The following IPCEF1 variants were observed in gnomAD, a reference collection of about 807,000 sequenced individuals.
IPCEF1 encodes interaction protein for cytohesin exchange factors 1.
Under a neutral mutation model 50.9 loss-of-function variants are expected in IPCEF1, and 31 were observed. That is an observed-to-expected ratio of 0.61 (90% CI 0.46 to 0.82). The LOEUF is 0.82. Ranked by LOEUF, IPCEF1 falls within the 40% of genes least tolerant of loss-of-function variation. The pLI is 0.00. For missense variants in IPCEF1, 458 were observed against 514.0 expected, an observed-to-expected ratio of 0.89 and a Z score of 1.05; for synonymous variants, 181 against 192.0, an observed-to-expected ratio of 0.94 and a Z score of 0.47.
chr6:154,267,931 C>T (rs773800289), intron 2 of IPCEF1, among the ~76,000 whole-genome samples: 1 of 152,224 alleles, frequency 6.6e-6, no homozygotes, highest in Non-Finnish European at 1.5e-5. Context: ...GCTTTTATGG[C>T]CTCAGAGGTG....
At chr6:154,200,068 A>T (rs755157472) in intron 9 of IPCEF1, 28 bp from the exon 10 acceptor site, 4 of 1,557,676 alleles carry the variant, frequency 2.6e-6, no homozygotes, top group South Asian at 2.5e-5. Context: ...AACCAAAAAA[A>T]GAATAAAAGA....
intron 1 of IPCEF1, among the ~76,000 whole-genome samples, chr6:154,319,706 C>G (rs1019038174): frequency 2.0e-5 from 3 of 152,258 alleles, no homozygotes; most frequent in East Asian, 1.9e-4. Flanking sequence ...ATTTAAAAAG[C>G]CTTCAAAAGC....
intron 10 of IPCEF1, among the ~76,000 whole-genome samples, chr6:154,173,468 A>G (rs1253053564): frequency 6.6e-6 from 1 of 152,190 alleles, no homozygotes; most frequent in Non-Finnish European, 1.5e-5. Flanking sequence ...AGTGTAGAGA[A>G]GAGTTTAAAT....
intron 1 of IPCEF1, among the ~76,000 whole-genome samples, chr6:154,310,727 T>C (rs1395231808): frequency 2.0e-5 from 3 of 152,196 alleles, no homozygotes; most frequent in Non-Finnish European, 4.4e-5. Context: ...AAGGACATTA[T>C]GCTACATGAA....
Position 154,221,305 on chromosome 6 carries a change from T to A in IPCEF1, c.344A>T (p.Gln115Leu). ...AGCTGCAAAATAAAAGGTCTTGATC[T>A]GTGGATGGCTGATCTTAAAAGCACT... is the stretch of plus-strand genomic sequence containing the variant. ...KKHAFKISHP[Q>L]IKTFYFAAEN... Residue 115 changes from glutamine to leucine, a missense_variant, in exon 7 of 12, where the codon CAG becomes CTG. By Grantham distance (113) the Gln-to-Leu change is moderately radical. Transcript: ENST00000367220. 1 of 1,613,924 alleles carries A rather than the reference T, an allele frequency of 6.2e-7. No homozygotes were observed. The highest frequency in any genetic ancestry group is 8.5e-7 in the Non-Finnish European group (1 of 1,179,914).
intron 1 of IPCEF1, among the ~76,000 whole-genome samples, chr6:154,334,616 C>A (rs1783750447): frequency 6.6e-6 from 1 of 152,146 alleles, no homozygotes; most frequent in Non-Finnish European, 1.5e-5. Context: ...TCAACAGAGA[C>A]AACTTATTGA....
At chr6:154,329,251 A>AT (rs1031471601) in intron 1 of IPCEF1, among the ~76,000 whole-genome samples, 5 of 150,844 alleles carry the variant, frequency 3.3e-5, no homozygotes, top group South Asian at 4.2e-4. Flanking sequence ...GTCTCTAAGA[A>AT]TTTTTTTTTT....
intron 1 of IPCEF1, among the ~76,000 whole-genome samples, chr6:154,302,207 G>C (rs1562585851): frequency 6.6e-6 from 1 of 152,158 alleles, no homozygotes; most frequent in Non-Finnish European, 1.5e-5. Context: ...TAAATCTCCT[G>C]AATCCAGTAA....
chr6:154,337,161 A>G (rs75146937), intron 1 of IPCEF1, among the ~76,000 whole-genome samples: 2,232 of 152,280 alleles, frequency 0.015, 50 homozygotes, highest in African/African-American at 0.05. Context: ...AATGTGCACA[A>G]ACATACTCAA....
intron 1 of IPCEF1, among the ~76,000 whole-genome samples, chr6:154,348,769 C>A (rs1373402879): frequency 6.6e-6 from 1 of 152,186 alleles, no homozygotes; most frequent in Admixed American, 6.5e-5. Flanking sequence ...GCACTCCCAG[C>A]GAATAAACAG....
chr6:154,180,386 C>CTATATATA (rs58975780), intron 10 of IPCEF1, among the ~76,000 whole-genome samples: 84 of 88,272 alleles, frequency 9.5e-4, no homozygotes, highest in South Asian at 6.2e-3. Context: ...ACAACAACAA[C>CTATATATA]TATATATATA....
chr6:154,224,349 C>A (rs913542290), intron 5 of IPCEF1, among the ~76,000 whole-genome samples: 1 of 152,186 alleles, frequency 6.6e-6, no homozygotes, highest in Admixed American at 6.5e-5. Flanking sequence ...CTATGCCCAT[C>A]TTCTCTCTCT....
At chr6:154,173,556 G>T (rs952500915) in intron 10 of IPCEF1, among the ~76,000 whole-genome samples, 2 of 152,034 alleles carry the variant, frequency 1.3e-5, no homozygotes, top group Non-Finnish European at 2.9e-5. Context: ...TCAATCAAGT[G>T]GAAGAAAGGG....
In IPCEF1 at chr6:154,158,380, C is replaced by A. The variant is rs1467533161; in HGVS notation, c.*1448G>T. 6.6e-6 allele frequency: 1 copy of A among 152,172 alleles called. No individual in the cohort carries two copies. The highest frequency in any genetic ancestry group is 1.5e-5 in the Non-Finnish European group (1 of 68,038). 9.4% of individuals were successfully genotyped at this position (152,172 alleles called of 1,614,324 possible). A position where few individuals can be genotyped will look rare whatever the true frequency, so the allele number is the denominator to read the frequency against. The stretch of plus-strand genomic sequence containing the variant: ...TGTTTCTCTATAGCTCTCTTTAACA[C>A]AATGATTTCTAAATTTCTATTAGTC... On this transcript the variant is annotated 3_prime_UTR_variant, in exon 12 of 12. Coordinates refer to ENST00000367220, the MANE Select transcript of IPCEF1 (RefSeq NM_001130700.2).
chr6:154,291,181 T>A (rs1782505451), intron 1 of IPCEF1, among the ~76,000 whole-genome samples: 2 of 152,124 alleles, frequency 1.3e-5, no homozygotes, highest in Admixed American at 1.3e-4. Flanking sequence ...CATGAGCCAC[T>A]GCACCCAGCC....
At chr6:154,315,839 G>T (rs569597878) in intron 1 of IPCEF1, among the ~76,000 whole-genome samples, 3 of 151,704 alleles carry the variant, frequency 2.0e-5, no homozygotes, top group African/African-American at 4.9e-5. Flanking sequence ...TTTTGGGGGG[G>T]AGCGGTGGTG....
At chr6:154,346,729 C>T (rs1490391728) in intron 1 of IPCEF1, among the ~76,000 whole-genome samples, 2 of 152,180 alleles carry the variant, frequency 1.3e-5, no homozygotes, top group African/African-American at 4.8e-5. Flanking sequence ...GGTAAAGCCT[C>T]TTATAAAACC....
chr6:154,263,525 G>A (rs1349898604), intron 3 of IPCEF1, among the ~76,000 whole-genome samples: 1 of 107,558 alleles, frequency 9.3e-6, no homozygotes, highest in African/African-American at 3.5e-5. Flanking sequence ...AACCCTGAGT[G>A]GATACAGCAC....
At chr6:154,181,625 C>A (rs1175840300) in intron 10 of IPCEF1, among the ~76,000 whole-genome samples, 1 of 152,184 alleles carries the variant, frequency 6.6e-6, no homozygotes, top group African/African-American at 2.4e-5. Context: ...AGGCTCAGAT[C>A]CCTGCTTGAA....
Sources: allele counts gnomAD v4.1 joint callset (sites outside exome capture counted in the v4.1 genomes callset), GRCh38; gene constraint gnomAD v4.1.1; transcripts MANE v1.5; gene names NCBI Gene and HGNC (gene_info 2026-07-23, HGNC 2026-07-21).